The following JARID2 variants were observed in gnomAD, a reference collection of about 807,000 sequenced individuals.
The protein encoded by JARID2 is jumonji and AT-rich interaction domain containing 2, also known as protein Jumonji.
JARID2 carries 21 observed loss-of-function variants against 125.6 expected under a neutral mutation model. The observed-to-expected ratio is 0.17, with a 90% confidence interval of 0.12 to 0.24. The LOEUF is 0.24. Among genes scored for constraint, JARID2 ranks in the 10% least tolerant of loss-of-function variants. The pLI is 1.00. For missense variants in JARID2, 1,303 were observed against 1,639.6 expected (o/e 0.79, Z 3.55); for synonymous variants, 736 against 661.6 (o/e 1.11, Z -1.73).
intron 1 of JARID2, among the ~76,000 whole-genome samples, chr6:15,348,099 G>GTTT (rs145622180): frequency 1.4e-5 from 2 of 146,340 alleles, no homozygotes; most frequent in East Asian, 2.0e-4. Flanking sequence ...GTTTTGTTCT[G>GTTT]TTTTTTTTTT....
intron 1 of JARID2, among the ~76,000 whole-genome samples, chr6:15,309,683 G>GTA (rs61238284): frequency 0.046 from 6,987 of 150,844 alleles, 260 homozygotes; most frequent in East Asian, 0.12. Flanking sequence ...GTGTGTGTGT[G>GTA]TATATATATA....
At chr6:15,333,131 A>C (rs898454629) in intron 1 of JARID2, among the ~76,000 whole-genome samples, 2 of 151,310 alleles carry the variant, frequency 1.3e-5, no homozygotes, top group African/African-American at 4.9e-5. Context: ...ACGGGGTTTC[A>C]CTGTGTTAGC....
intron 14 of JARID2, 81 bp downstream of exon 14, chr6:15,512,471 TGC>T: frequency 4.8e-6 from 6 of 1,254,184 alleles, no homozygotes; most frequent in Non-Finnish European, 6.9e-6. Context: ...GAAGCATCCC[TGC>T]GTGTGCGTGT....
intron 1 of JARID2, among the ~76,000 whole-genome samples, chr6:15,312,820 A>G (rs1762058358): frequency 6.6e-6 from 1 of 152,130 alleles, no homozygotes; most frequent in Non-Finnish European, 1.5e-5. Context: ...CATTAAAGCA[A>G]CCTTATCTTT....
intron 17 of JARID2, among the ~76,000 whole-genome samples, chr6:15,518,377 ATGGTT>A (rs1771667522): frequency 3.9e-5 from 6 of 152,198 alleles, no homozygotes; most frequent in Admixed American, 3.9e-4. Flanking sequence ...CTGAGACCTA[ATGGTT>A]GGTTTTGATG....
rs141802860 is a variant in JARID2 at position 15,496,317 on chromosome 6, C to T, written c.1092C>T (p.His364=). Residue 364 remains histidine (H), a synonymous_variant, in exon 7 of 18, where the codon CAC becomes CAT. Coordinates refer to ENST00000341776, the MANE Select transcript of JARID2 (RefSeq NM_004973.4). The part of the protein sequence containing the change: ...RELVKDTKPN[H]HKPSSAVNHT... ...TGGTCAAGGACACCAAACCCAATCACCACAAGCCCAGTTCCGCTGTCAACC... is the reference window on the plus strand; with the variant it reads ...TGGTCAAGGACACCAAACCCAATCATCACAAGCCCAGTTCCGCTGTCAACC... 20 of 1,614,096 alleles carry T rather than the reference C, an allele frequency of 1.2e-5. No homozygotes were observed. Among genetic ancestry groups the T allele is most frequent in the Admixed American group, 1.7e-5 (1 of 60,008 alleles).
At chr6:15,480,525 G>C (rs149522428) in intron 5 of JARID2, among the ~76,000 whole-genome samples, 1 of 152,164 alleles carries the variant, frequency 6.6e-6, no homozygotes, top group African/African-American at 2.4e-5. Flanking sequence ...AGATAGGGGC[G>C]TCTGGTTCTG....
chr6:15,254,200 C>T lies in JARID2; in HGVS notation c.45+7616C>T, dbSNP rs1759565620. ...GAGTCATCATTGGAAGACTGACATC[C>T]CGTGTCCCTTGGGACTGGATGGTTT... On this transcript the variant is annotated intron_variant, in intron 1 of 17. Coordinates refer to ENST00000341776, the MANE Select transcript of JARID2 (RefSeq NM_004973.4). Among the ~76,000 whole-genome samples, 5 of 152,204 alleles carry T rather than the reference C, an allele frequency of 3.3e-5. No homozygotes were observed. In the South Asian group the frequency reaches 1.0e-3, roughly 32 times the overall value.
chr6:15,386,572 G>A (rs943271512), intron 2 of JARID2, among the ~76,000 whole-genome samples: 7 of 152,178 alleles, frequency 4.6e-5, no homozygotes, highest in Non-Finnish European at 1.5e-5. Flanking sequence ...CTGGCCTCAG[G>A]TGATCCCCCC....
chr6:15,262,819 G>A (rs1395119433), intron 1 of JARID2, among the ~76,000 whole-genome samples: 3 of 152,156 alleles, frequency 2.0e-5, no homozygotes, highest in Admixed American at 1.3e-4. Context: ...GTGAGCCACC[G>A]TGCCCGGCCC....
chr6:15,368,482 T>C (rs1261736159), intron 1 of JARID2, among the ~76,000 whole-genome samples: 11 of 152,210 alleles, frequency 7.2e-5, no homozygotes, highest in Admixed American at 5.2e-4. Context: ...GAAATAGAAT[T>C]ATCTTCTTGT....
chr6:15,517,275 C>G lies in JARID2; in HGVS notation c.3558+7C>G, dbSNP rs371772910. 6.2e-7 allele frequency: 1 copy of G among 1,603,040 alleles called. No homozygotes were observed. The highest frequency in any genetic ancestry group is 8.5e-7 in the Non-Finnish European group (1 of 1,169,966). Reference sequence around the variant, plus strand: ...GATGTACCGCTACGATGAGGTCAGTCCCTGCCCGCGGGGTAGGGCAGGGCG... The same window carrying G: ...GATGTACCGCTACGATGAGGTCAGTGCCTGCCCGCGGGGTAGGGCAGGGCG... On this transcript the variant is annotated splice_region_variant and intron_variant, in intron 17 of 17. Coordinates refer to ENST00000341776, the MANE Select transcript of JARID2 (RefSeq NM_004973.4).
At chr6:15,309,079 G>T (rs1428453529) in intron 1 of JARID2, among the ~76,000 whole-genome samples, 1 of 152,218 alleles carries the variant, frequency 6.6e-6, no homozygotes, top group East Asian at 1.9e-4. Flanking sequence ...CAAGATTGAT[G>T]TTGGATATCT....
chr6:15,459,383 T>C (rs994818744), intron 4 of JARID2, among the ~76,000 whole-genome samples: 3 of 152,354 alleles, frequency 2.0e-5, no homozygotes, highest in Non-Finnish European at 2.9e-5. Context: ...GTAAATGCTG[T>C]GTAAATTTGT....
chr6:15,287,546 G>T (rs1337827250), intron 1 of JARID2, among the ~76,000 whole-genome samples: 1 of 152,174 alleles, frequency 6.6e-6, no homozygotes, highest in Admixed American at 6.5e-5. Flanking sequence ...TTGGTGTGTG[G>T]CGTATATTCA....
In JARID2 at chr6:15,457,601, CTT is replaced by C. The variant is rs35659046; in HGVS notation, c.493+5443_493+5444del. Among the ~76,000 whole-genome samples, 1,078 of 127,054 alleles carry C rather than the reference CTT, an allele frequency of 8.5e-3. 12 individuals carry two copies. The highest frequency in any genetic ancestry group is 0.028 in the African/African-American group (1,006 of 35,342). 83.4% of individuals were successfully genotyped at this position (127,054 alleles called of 152,430 possible). A position where few individuals can be genotyped will look rare whatever the true frequency, so the allele number is the denominator to read the frequency against. ...GATGTTTGTTGCTAAGGATCCAGGT[CTT>C]TTTTTTTTTTTTTTTTCCCTTCTCC... On this transcript the variant is annotated intron_variant, in intron 4 of 17. Transcript: ENST00000341776.
At chr6:15,458,261 T>C (rs759131213) in intron 4 of JARID2, among the ~76,000 whole-genome samples, 5 of 152,204 alleles carry the variant, frequency 3.3e-5, no homozygotes, top group African/African-American at 7.2e-5. Context: ...TAAATGATTC[T>C]CTTATTTACA....
chr6:15,439,492 T>G (rs1468827730), intron 3 of JARID2, among the ~76,000 whole-genome samples: 1 of 152,214 alleles, frequency 6.6e-6, no homozygotes. Context: ...GGCTGCAGCC[T>G]TCTTTGGAGG....
chr6:15,449,876 A>G (rs528133564), intron 3 of JARID2, among the ~76,000 whole-genome samples: 117 of 152,236 alleles, frequency 7.7e-4, no homozygotes, highest in South Asian at 1.7e-3. Flanking sequence ...TAGGACATAC[A>G]AGGGAATTTA....
Sources: allele counts gnomAD v4.1 joint callset (sites outside exome capture counted in the v4.1 genomes callset), GRCh38; gene constraint gnomAD v4.1.1; transcripts MANE v1.5; gene names NCBI Gene and HGNC (gene_info 2026-07-23, HGNC 2026-07-21).